Variants in CCSER1 observed in about 807,000 individuals in gnomAD.
The protein encoded by CCSER1 is serine-rich coiled-coil domain-containing protein 1.
In CCSER1, 41 loss-of-function variants were observed where a neutral mutation model predicts 82.0. The ratio of observed to expected loss-of-function variants is 0.50; its 90% confidence interval spans 0.39 to 0.65. The LOEUF is 0.65. Among genes scored for constraint, CCSER1 ranks in the 30% least tolerant of loss-of-function variants. The pLI is 0.00. For missense variants in CCSER1, 1,119 were observed against 1,064.2 expected (o/e 1.05, Z -0.72); for synonymous variants, 414 against 383.9 (o/e 1.08, Z -0.92).
chr4:90,421,442 A>G (rs1181505025), intron 4 of CCSER1, among the ~76,000 whole-genome samples: 1 of 152,166 alleles, frequency 6.6e-6, no homozygotes, highest in Non-Finnish European at 1.5e-5. Context: ...AAGCCATAAT[A>G]GTGTTAAATG....
At chr4:90,335,071 G>A (rs1315767841) in intron 3 of CCSER1, among the ~76,000 whole-genome samples, 1 of 152,140 alleles carries the variant, frequency 6.6e-6, no homozygotes, top group African/African-American at 2.4e-5. Flanking sequence ...GTAGCAGCGG[G>A]TTTTTGGTTT....
intron 3 of CCSER1, among the ~76,000 whole-genome samples, chr4:90,327,935 C>G (rs1228105895): frequency 1.3e-5 from 2 of 152,136 alleles, no homozygotes; most frequent in African/African-American, 4.8e-5. Flanking sequence ...CACTTACTCT[C>G]TTTCTTTCAC....
chr4:91,394,569 G>T (rs1751851365), intron 10 of CCSER1, among the ~76,000 whole-genome samples: 1 of 151,834 alleles, frequency 6.6e-6, no homozygotes, highest in Non-Finnish European at 1.5e-5. Context: ...ATATTTAATG[G>T]CACTAAATAT....
intron 10 of CCSER1, among the ~76,000 whole-genome samples, chr4:91,398,480 A>G (rs557977704): frequency 2.0e-5 from 3 of 151,932 alleles, no homozygotes; most frequent in African/African-American, 7.2e-5. Context: ...ATCCACAAGC[A>G]ATGGTGATGG....
At chr4:90,870,871 C>A (rs993720769) in intron 8 of CCSER1, among the ~76,000 whole-genome samples, 1 of 130,436 alleles carries the variant, frequency 7.7e-6, no homozygotes, top group African/African-American at 2.9e-5. Flanking sequence ...AATCTCATTA[C>A]TTGTTATGGT....
At chr4:90,854,291 G>T (rs376114945) in intron 8 of CCSER1, among the ~76,000 whole-genome samples, 1 of 152,154 alleles carries the variant, frequency 6.6e-6, no homozygotes, top group Non-Finnish European at 1.5e-5. Flanking sequence ...GCAAATCCTG[G>T]ATAAGGATAG....
chr4:91,035,851 G>A (rs755718398), intron 9 of CCSER1, among the ~76,000 whole-genome samples: 8 of 152,176 alleles, frequency 5.3e-5, no homozygotes, highest in Non-Finnish European at 1.0e-4. Flanking sequence ...CTCCTAAAAC[G>A]CCACAAAATA....
At chr4:90,637,074 A>G (rs1028783588) in intron 6 of CCSER1, among the ~76,000 whole-genome samples, 6 of 152,170 alleles carry the variant, frequency 3.9e-5, no homozygotes, top group African/African-American at 1.4e-4. Context: ...TTGTTATTTC[A>G]AAGTTTCTAT....
intron 7 of CCSER1, among the ~76,000 whole-genome samples, chr4:90,754,991 AGTTCCTGCCATCACATCAGTGT>A (rs1198845263): frequency 6.6e-6 from 1 of 152,092 alleles, no homozygotes; most frequent in Non-Finnish European, 1.5e-5. Context: ...CAGCTATTGG[AGTTCCTGCCATCACATCAGTGT>A]TCCAGATAGT....
intron 4 of CCSER1, among the ~76,000 whole-genome samples, chr4:90,404,960 A>C (rs1292629659): frequency 6.6e-6 from 1 of 152,138 alleles, no homozygotes; most frequent in African/African-American, 2.4e-5. Flanking sequence ...AATATTCTTT[A>C]ACGTTCCCAA....
At chr4:91,183,106 A>T (rs948115035) in intron 10 of CCSER1, among the ~76,000 whole-genome samples, 4 of 152,256 alleles carry the variant, frequency 2.6e-5, no homozygotes, top group Non-Finnish European at 5.9e-5. Context: ...GAGTGATGTA[A>T]AATGGGTGCA....
chr4:90,232,817 A>T (rs1405824397), intron 1 of CCSER1, among the ~76,000 whole-genome samples: 1 of 151,624 alleles, frequency 6.6e-6, no homozygotes, highest in Non-Finnish European at 1.5e-5. Context: ...GGTGAAGGAC[A>T]TGAACAGACA....
At chr4:90,675,092 A>T (rs559876843) in intron 6 of CCSER1, among the ~76,000 whole-genome samples, 75 of 151,952 alleles carry the variant, frequency 4.9e-4, no homozygotes, top group Non-Finnish European at 1.3e-4. Context: ...AAGTTACCTC[A>T]TCCTTTCTCA....
intron 10 of CCSER1, among the ~76,000 whole-genome samples, chr4:91,111,764 C>T (rs1163199609): frequency 1.4e-4 from 21 of 150,212 alleles, no homozygotes; most frequent in Admixed American, 1.4e-3. Context: ...CAACTGGGCT[C>T]TTTTCCCGGG....
chr4:90,499,722 A>G (rs1769567278), intron 5 of CCSER1, among the ~76,000 whole-genome samples: 3 of 152,150 alleles, frequency 2.0e-5, no homozygotes, highest in South Asian at 2.1e-4. Context: ...TCAGATCTTA[A>G]TGACAATTAT....
chr4:90,711,451 G>T (rs1055292169), intron 6 of CCSER1, among the ~76,000 whole-genome samples: 4 of 152,082 alleles, frequency 2.6e-5, no homozygotes, highest in African/African-American at 9.7e-5. Context: ...CATTTAGTAT[G>T]ATATTGGCTG....
chr4:90,976,403 T>C (rs975544100), intron 9 of CCSER1, among the ~76,000 whole-genome samples: 1 of 151,268 alleles, frequency 6.6e-6, no homozygotes, highest in African/African-American at 2.4e-5. Flanking sequence ...TTTATAATTA[T>C]ATCTAATTTA....
chr4:90,986,252 T>C (rs1389035640), intron 9 of CCSER1, among the ~76,000 whole-genome samples: 1 of 151,778 alleles, frequency 6.6e-6, no homozygotes, highest in African/African-American at 2.4e-5. Context: ...TCTTAACTTA[T>C]ACTGGAAGAA....
chr4:90,893,411 C>T (rs1723227319), intron 8 of CCSER1, among the ~76,000 whole-genome samples: 1 of 151,974 alleles, frequency 6.6e-6, no homozygotes, highest in African/African-American at 2.4e-5. Context: ...ACTTTCACCT[C>T]ACCCAGAAAA....
Sources: allele counts gnomAD v4.1 joint callset (sites outside exome capture counted in the v4.1 genomes callset), GRCh38; gene constraint gnomAD v4.1.1; transcripts MANE v1.5; gene names NCBI Gene and HGNC (gene_info 2026-07-23, HGNC 2026-07-21).